Variants in MAPK10 observed in about 807,000 individuals in gnomAD.
MAPK10 encodes the protein JNK3 alpha protein kinase.
In MAPK10, 25 loss-of-function variants were observed where a neutral mutation model predicts 59.3. The observed-to-expected ratio is 0.42, with a 90% CI of 0.31 to 0.59. The LOEUF is 0.59. MAPK10 is among the 20% of genes least tolerant of loss of function. The probability of loss-of-function intolerance (pLI) is 0.15; values close to 1 mark genes in which losing one functional copy is unlikely to be tolerated. For synonymous variants in MAPK10, 190 were observed against 200.5 expected, an observed-to-expected ratio of 0.95 and a Z score of 0.44; for missense variants, 351 against 568.9, an observed-to-expected ratio of 0.62 and a Z score of 3.90.
intron 1 of MAPK10, among the ~76,000 whole-genome samples, chr4:86,433,639 A>G (rs1748344324): frequency 6.7e-6 from 1 of 148,326 alleles, no homozygotes; most frequent in Non-Finnish European, 1.5e-5. Context: ...CCTGGGCTCA[A>G]GTGATCCTCC....
chr4:86,566,400 T>C (rs1328980153), intron 1 of MAPK10, among the ~76,000 whole-genome samples: 1 of 152,150 alleles, frequency 6.6e-6, no homozygotes, highest in African/African-American at 2.4e-5. Flanking sequence ...TCCTGTTTCC[T>C]TCCTATATTC....
chr4:86,563,126 A>C (rs760177959), intron 1 of MAPK10, among the ~76,000 whole-genome samples: 64 of 152,340 alleles, frequency 4.2e-4, no homozygotes, highest in Non-Finnish European at 7.8e-4. Context: ...ATGTTGAATA[A>C]TTACAATGAG....
chr4:86,022,159 G>A (rs973425207), intron 13 of MAPK10, among the ~76,000 whole-genome samples: 13 of 152,214 alleles, frequency 8.5e-5, no homozygotes, highest in Non-Finnish European at 1.3e-4. Context: ...CTGCCAGCAC[G>A]CTCTCACCTC....
intron 1 of MAPK10, among the ~76,000 whole-genome samples, chr4:86,468,921 G>A (rs1579319757): frequency 6.6e-6 from 1 of 152,246 alleles, no homozygotes; most frequent in East Asian, 1.9e-4. Flanking sequence ...CAACTGTGTA[G>A]TAGAGGTAGG....
At chr4:86,519,687 T>A (rs1756971434) in intron 1 of MAPK10, among the ~76,000 whole-genome samples, 1 of 152,156 alleles carries the variant, frequency 6.6e-6, no homozygotes, top group African/African-American at 2.4e-5. Flanking sequence ...TTTGTGTGTG[T>A]GTGTGTTATT....
chr4:86,374,737 G>T (rs142666306), intron 1 of MAPK10, among the ~76,000 whole-genome samples: 1 of 152,150 alleles, frequency 6.6e-6, no homozygotes, highest in Non-Finnish European at 1.5e-5. Context: ...TAGGCCAACC[G>T]TGAATTTAAG....
At chr4:86,339,667 T>A (rs1271223724) in intron 2 of MAPK10, among the ~76,000 whole-genome samples, 1 of 152,210 alleles carries the variant, frequency 6.6e-6, no homozygotes, top group Non-Finnish European at 1.5e-5. Context: ...AACTTCTCTG[T>A]GCCTCAATTT....
chr4:86,140,102 A>C lies in MAPK10; in HGVS notation c.236+19196T>G, dbSNP rs1253385509. Among the ~76,000 whole-genome samples, 5 of 127,182 alleles carry C rather than the reference A, an allele frequency of 3.9e-5. No homozygotes were observed. In the East Asian group the frequency reaches 1.1e-3, roughly 27 times the overall value. The allele number at this position is 127,182 out of a possible 152,430, so 83.4% of individuals were successfully genotyped here. On this transcript the variant is annotated intron_variant, in intron 4 of 13. Transcript: ENST00000641462. ...TGTTGGTGGGACTGTAAAGTAGTTCAGCCATTGTGGAAGTCAGTGTGGCGA... is the reference window on the plus strand; with the variant it reads ...TGTTGGTGGGACTGTAAAGTAGTTCCGCCATTGTGGAAGTCAGTGTGGCGA...
At chr4:86,250,517 T>G (rs991244848) in intron 2 of MAPK10, among the ~76,000 whole-genome samples, 13 of 152,082 alleles carry the variant, frequency 8.5e-5, no homozygotes, top group Admixed American at 8.5e-4. Context: ...AATTTTAGAG[T>G]GAAAAAATTT....
At chr4:86,534,904 T>C (rs1198756784) in intron 1 of MAPK10, among the ~76,000 whole-genome samples, 1 of 151,930 alleles carries the variant, frequency 6.6e-6, no homozygotes, top group Non-Finnish European at 1.5e-5. Flanking sequence ...AGACTCTGTC[T>C]CAAAAACAAA....
At chr4:86,542,851 G>C (rs1337494390) in intron 1 of MAPK10, among the ~76,000 whole-genome samples, 2 of 152,138 alleles carry the variant, frequency 1.3e-5, no homozygotes, top group African/African-American at 2.4e-5. Flanking sequence ...TGCAATCTCT[G>C]TCTGAAGGGA....
chr4:86,239,428 GCTCCT>G (rs1052643836), intron 2 of MAPK10, among the ~76,000 whole-genome samples: 11 of 152,124 alleles, frequency 7.2e-5, no homozygotes, highest in African/African-American at 2.7e-4. Context: ...AATGGTACCA[GCTCCT>G]CTTTGTATTT....
chr4:86,110,191 T>C (rs942709450), intron 4 of MAPK10, among the ~76,000 whole-genome samples: 51 of 152,362 alleles, frequency 3.3e-4, no homozygotes, highest in African/African-American at 1.1e-3. Context: ...TTCAGTCTGA[T>C]GACAGTTTCT....
intron 1 of MAPK10, among the ~76,000 whole-genome samples, chr4:86,514,180 C>T (rs1385949674): frequency 2.0e-5 from 3 of 152,110 alleles, no homozygotes; most frequent in Admixed American, 1.3e-4. Context: ...AGAATTCTCA[C>T]GCACTAAGCC....
At position 86,194,089 on chromosome 4, in the gene MAPK10, C is replaced by G. The variant is rs1010437045; in HGVS notation, c.66+247G>C. ...CTGTGGGCTGCACCCACTCTCTAAC[C>G]TTTCCCAGTGAGATGAACCAGGTAC... On this transcript the variant is annotated intron_variant, in intron 3 of 13. Coordinates refer to ENST00000641462, the MANE Select transcript of MAPK10 (RefSeq NM_138982.4). The G allele has an allele frequency of 1.5e-5, 7 of 471,582 alleles. No individual in the cohort carries two copies. In the South Asian group the frequency reaches 1.7e-4, roughly 12 times the overall value. 29.2% of individuals were successfully genotyped at this position (471,582 alleles called of 1,614,324 possible). A position where few individuals can be genotyped will look rare whatever the true frequency, so the allele number is the denominator to read the frequency against.
At chr4:86,123,898 T>C (rs1174773395) in intron 4 of MAPK10, 2 of 152,036 alleles carry the variant, frequency 1.3e-5, no homozygotes, top group Non-Finnish European at 2.9e-5. Flanking sequence ...TTTATAAACA[T>C]TTAAGTTATG....
At chr4:86,357,083 A>G (rs1343335287) in intron 1 of MAPK10, 1 of 152,240 alleles carries the variant, frequency 6.6e-6, no homozygotes, top group Admixed American at 6.5e-5. Context: ...GGCAATGAAG[A>G]AAGAATTTAA....
intron 1 of MAPK10, among the ~76,000 whole-genome samples, chr4:86,558,830 A>AG (rs1034097806): frequency 1.5e-5 from 2 of 132,364 alleles, no homozygotes; most frequent in African/African-American, 5.6e-5. Context: ...TAAAACTTTC[A>AG]GGAAAAAAAA....
intron 1 of MAPK10, among the ~76,000 whole-genome samples, chr4:86,560,769 T>C (rs552711978): frequency 6.6e-6 from 1 of 152,380 alleles, no homozygotes; most frequent in East Asian, 1.9e-4. Context: ...TCTTGGGACA[T>C]TATTCTCAGT....
Sources: gnomAD v4.1 joint callset for allele counts (sites outside exome capture counted in the v4.1 genomes callset) on GRCh38, gnomAD v4.1.1 for gene constraint, MANE v1.5 for transcripts, NCBI Gene and HGNC (gene_info 2026-07-23, HGNC 2026-07-21) for gene names.